Variants in STK32B observed in about 807,000 individuals in gnomAD.
STK32B encodes serine/threonine kinase 32B.
A neutral mutation model predicts 52.6 loss-of-function variants in STK32B; 43 were observed. That is an observed-to-expected ratio of 0.82 (90% confidence interval 0.64 to 1.05). The LOEUF is 1.05. Ranked by LOEUF, STK32B falls within the 50% of genes least tolerant of loss-of-function variation. The pLI, the probability that STK32B is intolerant of heterozygous loss-of-function variation, is 0.00. For missense variants in STK32B, 621 were observed against 534.6 expected, an observed-to-expected ratio of 1.16 and a Z score of -1.59; for synonymous variants, 238 against 204.3, an observed-to-expected ratio of 1.17 and a Z score of -1.41.
chr4:5,219,911 G>A (rs1399200347), intron 3 of STK32B, among the ~76,000 whole-genome samples: 1 of 152,174 alleles, frequency 6.6e-6, no homozygotes, highest in South Asian at 2.1e-4. Context: ...TCTGGAACAG[G>A]ACAGTGGTTG....
intron 3 of STK32B, among the ~76,000 whole-genome samples, chr4:5,316,892 T>A (rs1385977334): frequency 3.2e-4 from 2 of 6,166 alleles, no homozygotes; most frequent in Admixed American, 3.6e-3. Context: ...TTATATATAT[T>A]ATATATAATA....
chr4:5,477,207 T>C (rs931740025), intron 11 of STK32B, among the ~76,000 whole-genome samples: 14 of 152,108 alleles, frequency 9.2e-5, no homozygotes, highest in African/African-American at 3.4e-4. Flanking sequence ...ATGGCTATTA[T>C]TATCAGTGAG....
At chr4:5,388,344 C>A (rs1323980259) in intron 4 of STK32B, among the ~76,000 whole-genome samples, 2 of 152,184 alleles carry the variant, frequency 1.3e-5, no homozygotes, top group African/African-American at 4.8e-5. Context: ...ACTTATTGGG[C>A]AACTTCTATA....
Position 5,130,753 on chromosome 4 carries a change from A to G in STK32B, c.53-9152A>G, listed in dbSNP as rs1715719885. On this transcript the variant is annotated intron_variant, in intron 1 of 11. Coordinates refer to ENST00000282908, the MANE Select transcript of STK32B (RefSeq NM_018401.3). ...CCCATTCCTGCCTGAGGAAATGTCT[A>G]CCAATCCAGTGGGTTAATCCTTCCT... 2.0e-5 allele frequency among the ~76,000 whole-genome samples: 3 copies of G among 152,196 alleles called. No homozygotes were observed. The South Asian group carries it at 6.2e-4, about 32-fold the overall frequency.
rs150907199 is a variant in STK32B at position 5,276,681 on chromosome 4, G to C, written c.261-54539G>C. ...GTCACGTGTTACGAACTGCTGCCAC[G>C]TGCATCTTTTCATCACGAGGCTGAG... On this transcript the variant is annotated intron_variant, in intron 3 of 11. Coordinates refer to ENST00000282908, the MANE Select transcript of STK32B (RefSeq NM_018401.3). Among the ~76,000 whole-genome samples the C allele has an allele frequency of 2.6e-5, 4 of 152,034 alleles. No homozygotes were observed. The East Asian group carries it at 7.7e-4, about 29-fold the overall frequency.
At chr4:5,362,185 A>AT (rs996512189) in intron 4 of STK32B, among the ~76,000 whole-genome samples, 3 of 152,162 alleles carry the variant, frequency 2.0e-5, no homozygotes, top group Admixed American at 6.5e-5. Context: ...GAAAATAGAC[A>AT]TTTTACTTGT....
intron 5 of STK32B, among the ~76,000 whole-genome samples, chr4:5,411,630 A>C (rs1306947513): frequency 6.6e-6 from 1 of 152,218 alleles, no homozygotes. Context: ...TCCATAGATT[A>C]TAGTATTCCT....
intron 3 of STK32B, among the ~76,000 whole-genome samples, chr4:5,189,734 C>A (rs1304675903): frequency 6.6e-6 from 1 of 152,128 alleles, no homozygotes; most frequent in Non-Finnish European, 1.5e-5. Flanking sequence ...CATTGCCAAT[C>A]TGTTTTCCAA....
At chr4:5,494,613 T>C (rs950983228) in intron 11 of STK32B, among the ~76,000 whole-genome samples, 33 of 152,208 alleles carry the variant, frequency 2.2e-4, no homozygotes, top group Non-Finnish European at 4.0e-4. Flanking sequence ...TTTGATCCTG[T>C]CATGATGATG....
At position 5,170,993 on chromosome 4, in the gene STK32B, T is replaced by G. The variant is rs557794311; in HGVS notation, c.260+2543T>G. Among the ~76,000 whole-genome samples, 692 of 152,266 alleles carry G rather than the reference T, an allele frequency of 4.5e-3. 1 individual carries two copies. The highest frequency in any genetic ancestry group is 6.1e-3 in the Non-Finnish European group (413 of 68,012). ...GTTGTTTCCTGACTTTTTAATGATC[T>G]CCATTCTAACTGGTGTGAGATGGTA... On this transcript the variant is annotated intron_variant, in intron 3 of 11. Coordinates refer to ENST00000282908, the MANE Select transcript of STK32B (RefSeq NM_018401.3).
At chr4:5,401,263 T>C (rs1737275741) in intron 5 of STK32B, among the ~76,000 whole-genome samples, 1 of 152,224 alleles carries the variant, frequency 6.6e-6, no homozygotes, top group Admixed American at 6.5e-5. Context: ...TGCTGGCATC[T>C]ACTTGCACCT....
intron 3 of STK32B, among the ~76,000 whole-genome samples, chr4:5,200,488 T>C (rs571193519): frequency 6.6e-6 from 1 of 152,276 alleles, no homozygotes; most frequent in Admixed American, 6.5e-5. Context: ...TGCTCCCACA[T>C]GCTCCCCTTC....
intron 4 of STK32B, among the ~76,000 whole-genome samples, chr4:5,352,983 G>A (rs988415974): frequency 3.3e-5 from 5 of 152,008 alleles, no homozygotes; most frequent in African/African-American, 7.2e-5. Flanking sequence ...AAAGCTTGAG[G>A]CATCAAAATA....
At chr4:5,196,895 G>A (rs1350979903) in intron 3 of STK32B, among the ~76,000 whole-genome samples, 1 of 152,142 alleles carries the variant, frequency 6.6e-6, no homozygotes, top group African/African-American at 2.4e-5. Context: ...CATTGCTGTT[G>A]GTCATGACCA....
At chr4:5,183,209 G>A (rs1219574948) in intron 3 of STK32B, among the ~76,000 whole-genome samples, 2 of 152,102 alleles carry the variant, frequency 1.3e-5, no homozygotes, top group Non-Finnish European at 1.5e-5. Flanking sequence ...CGGGCATGGT[G>A]GCTCACGCCT....
At chr4:5,452,926 C>T (rs1330472173) in intron 7 of STK32B, among the ~76,000 whole-genome samples, 2 of 151,984 alleles carry the variant, frequency 1.3e-5, no homozygotes, top group African/African-American at 4.8e-5. Flanking sequence ...TCTGACACAG[C>T]ATATCCTAAG....
At chr4:5,224,297 A>T (rs1168088785) in intron 3 of STK32B, among the ~76,000 whole-genome samples, 1 of 152,236 alleles carries the variant, frequency 6.6e-6, no homozygotes, top group Non-Finnish European at 1.5e-5. Flanking sequence ...AAGGGCTTAC[A>T]TGAGGGCTCC....
chr4:5,371,042 A>ATGTATATATGTG (rs1381470583), intron 4 of STK32B, among the ~76,000 whole-genome samples: 28 of 149,238 alleles, frequency 1.9e-4, no homozygotes, highest in African/African-American at 7.0e-4. Context: ...ATGTATATAT[A>ATGTATATATGTG]TGTGTGTGTG....
chr4:5,408,955 T>TG lies in STK32B; in HGVS notation c.473-7886dup, dbSNP rs1737850895. Among the ~76,000 whole-genome samples, 3 of 152,238 alleles carry TG rather than the reference T, an allele frequency of 2.0e-5. No homozygotes were observed. In the South Asian group the frequency reaches 6.2e-4, roughly 32 times the overall value. On this transcript the variant is annotated intron_variant, in intron 5 of 11. Coordinates refer to ENST00000282908, the MANE Select transcript of STK32B (RefSeq NM_018401.3). ...ATGGCTTAAAGAAATAGGAAGACAA[T>TG]GGGGCTCAGAGTGAAACCTACCTGG...
Sources: gnomAD v4.1 joint callset for allele counts (sites outside exome capture counted in the v4.1 genomes callset) on GRCh38, gnomAD v4.1.1 for gene constraint, MANE v1.5 for transcripts, NCBI Gene and HGNC (gene_info 2026-07-23, HGNC 2026-07-21) for gene names.